HTR2A: variants seen among roughly 807,000 people sequenced by gnomAD.
The protein encoded by HTR2A is 5-hydroxytryptamine receptor 2A.
A neutral mutation model predicts 31.0 loss-of-function variants in HTR2A; 14 were observed. The ratio of observed to expected loss-of-function variants is 0.45; its 90% confidence interval spans 0.30 to 0.71. The LOEUF (loss-of-function observed/expected upper bound fraction) is 0.71. Ranked by LOEUF, HTR2A falls within the 30% of genes least tolerant of loss-of-function variation. The pLI, the probability that HTR2A is intolerant of heterozygous loss-of-function variation, is 0.09. For synonymous variants in HTR2A, 209 were observed against 225.2 expected, an observed-to-expected ratio of 0.93 and a Z score of 0.64; for missense variants, 442 against 573.3, an observed-to-expected ratio of 0.77 and a Z score of 2.34.
chr13:46,891,961 G>A (rs1951056590), intron 3 of HTR2A, among the ~76,000 whole-genome samples: 1 of 152,180 alleles, frequency 6.6e-6, no homozygotes, highest in African/African-American at 2.4e-5. Flanking sequence ...TTCCCTCCAA[G>A]CTACAGCACA....
Position 46,892,643 on chromosome 13 carries a change from A to G in HTR2A, c.413-53T>C, listed in dbSNP as rs997364046. The G allele has an allele frequency of 6.8e-6, 10 of 1,477,836 alleles. No individual in the cohort carries two copies. In the African/African-American group the frequency reaches 6.9e-5, roughly 10 times the overall value. The allele number at this position is 1,477,836 out of a possible 1,614,324, so 91.5% of individuals were successfully genotyped here. A position where few individuals can be genotyped will look rare whatever the true frequency, so the allele number is the denominator to read the frequency against. ...AGCAACCCTGTGCCTCCTGGAGCAC[A>G]TGTATCCCTATCCTATGACAATTTC... On this transcript the variant is annotated intron_variant, in intron 2 of 3. Transcript: ENST00000542664.
intron 3 of HTR2A, among the ~76,000 whole-genome samples, chr13:46,840,317 C>A (rs1403050538): frequency 7.2e-5 from 11 of 152,054 alleles, no homozygotes; most frequent in African/African-American, 2.4e-4. Context: ...TCCTTCTAAT[C>A]TATGTATGGT....
At chr13:46,854,387 C>T (rs1357861242) in intron 3 of HTR2A, 1 of 152,190 alleles carries the variant, frequency 6.6e-6, no homozygotes, top group African/African-American at 2.4e-5. Flanking sequence ...CCTCAGCTAC[C>T]ACACCTTAGT....
Position 46,896,879 on chromosome 13 carries a change from C to T in HTR2A, c.-534G>A, listed in dbSNP as rs1468330731. ...CGCACTGCTAGGATCCTGTTGGCTT[C>T]CTCTGGCACGGCTCGGCTGGGTTCC... On this transcript the variant is annotated 5_prime_UTR_variant, in exon 1 of 4. Coordinates refer to ENST00000542664, the MANE Select transcript of HTR2A (RefSeq NM_000621.5). 1 of 1,517,476 alleles carries T rather than the reference C, an allele frequency of 6.6e-7. No homozygotes were observed. Among genetic ancestry groups the T allele is most frequent in the East Asian group, 2.5e-5 (1 of 40,644 alleles). The allele number at this position is 1,517,476 out of a possible 1,614,324, so 94.0% of individuals were successfully genotyped here.
At chr13:46,854,501 A>G (rs1317793965) in intron 3 of HTR2A, among the ~76,000 whole-genome samples, 2 of 152,196 alleles carry the variant, frequency 1.3e-5, no homozygotes, top group Non-Finnish European at 2.9e-5. Flanking sequence ...AATTTGGTTC[A>G]TTTCAGACTT....
At chr13:46,860,114 T>A (rs143489437) in intron 3 of HTR2A, among the ~76,000 whole-genome samples, 2 of 152,168 alleles carry the variant, frequency 1.3e-5, no homozygotes, top group Non-Finnish European at 2.9e-5. Context: ...AGAATTCTCC[T>A]CAACCCACAA....
At chr13:46,891,943 C>T (rs1951056353) in intron 3 of HTR2A, among the ~76,000 whole-genome samples, 1 of 152,190 alleles carries the variant, frequency 6.6e-6, no homozygotes, top group African/African-American at 2.4e-5. Flanking sequence ...TTTCCTCTGG[C>T]CCACCTTTTC....
intron 3 of HTR2A, among the ~76,000 whole-genome samples, chr13:46,850,362 C>T (rs1300467653): frequency 6.6e-6 from 1 of 152,156 alleles, no homozygotes; most frequent in Non-Finnish European, 1.5e-5. Flanking sequence ...TCACAGTCAC[C>T]CTATGAGTTT....
chr13:46,881,250 G>T (rs1295057245), intron 3 of HTR2A, among the ~76,000 whole-genome samples: 4 of 152,198 alleles, frequency 2.6e-5, no homozygotes, highest in Admixed American at 2.6e-4. Context: ...CAAGAGAAGG[G>T]GTGGGCCAAG....
At chr13:46,840,230 T>C (rs948226788) in intron 3 of HTR2A, among the ~76,000 whole-genome samples, 2 of 152,164 alleles carry the variant, frequency 1.3e-5, no homozygotes, top group African/African-American at 4.8e-5. Context: ...ATAATCCTCA[T>C]ATTACAGGGA....
Position 46,842,325 on chromosome 13 carries a change from T to C in HTR2A, c.614-6686A>G, listed in dbSNP as rs151239588. Among the ~76,000 whole-genome samples the C allele has an allele frequency of 6.2e-4, 95 of 152,258 alleles. No individual in the cohort carries two copies. In the East Asian group the frequency reaches 0.016, roughly 26 times the overall value. On this transcript the variant is annotated intron_variant, in intron 3 of 3. Transcript: ENST00000542664. ...ACATTATTGGGCCCCATCTTGAAAG[T>C]ATTGTATCCTTTCTCCCATTTCTAT...
In HTR2A at chr13:46,896,589, T is replaced by G. The variant is rs1951106819; in HGVS notation, c.-329+85A>C. The G allele has an allele frequency of 1.7e-5, 18 of 1,039,146 alleles. No homozygotes were observed. The South Asian group carries it at 3.2e-4, about 18-fold the overall frequency. 64.4% of individuals were successfully genotyped at this position (1,039,146 alleles called of 1,614,324 possible). ...AACTTTCCTCCCTGGAAATTCTCAT[T>G]GAAATGATTACATGTTGGCCAAGCA... On this transcript the variant is annotated intron_variant, in intron 1 of 3. Coordinates refer to ENST00000542664, the MANE Select transcript of HTR2A (RefSeq NM_000621.5).
At chr13:46,865,814 G>A (rs976275934) in intron 3 of HTR2A, among the ~76,000 whole-genome samples, 2 of 152,204 alleles carry the variant, frequency 1.3e-5, no homozygotes, top group African/African-American at 4.8e-5. Context: ...AATATTACAA[G>A]GCTTGCGCTA....
At chr13:46,856,876 G>T (rs1257583742) in intron 3 of HTR2A, among the ~76,000 whole-genome samples, 1 of 152,194 alleles carries the variant, frequency 6.6e-6, no homozygotes, top group African/African-American at 2.4e-5. Context: ...GTGCAGCTCA[G>T]TTGAGTAGGA....
chr13:46,892,634 C>T (rs769393203), intron 2 of HTR2A, 44 bp from the exon 3 acceptor site: 13 of 1,537,722 alleles, frequency 8.5e-6, no homozygotes, highest in Non-Finnish European at 1.1e-5. Context: ...CCTGTGCCTC[C>T]TGGAGCACAT....
intron 3 of HTR2A, among the ~76,000 whole-genome samples, chr13:46,838,574 A>G (rs2138340516): frequency 6.6e-6 from 1 of 152,276 alleles, no homozygotes; most frequent in Non-Finnish European, 1.5e-5. Context: ...TTTTAAACCA[A>G]AAGAGACTAA....
chr13:46,852,457 A>AC (rs1950694103), intron 3 of HTR2A, among the ~76,000 whole-genome samples: 1 of 152,250 alleles, frequency 6.6e-6, no homozygotes, highest in Non-Finnish European at 1.5e-5. Flanking sequence ...CACTGCGGTA[A>AC]CAGCCTTGCC....
rs1024978235 is a variant in HTR2A, at chr13:46,896,914, G to A, written c.-569C>T. ...GGCTCGGCTGGGTTCCTCCCTCCCTGTGCGGCTCGCCTCAGCAGGCACACA... is the reference window on the plus strand; with the variant it reads ...GGCTCGGCTGGGTTCCTCCCTCCCTATGCGGCTCGCCTCAGCAGGCACACA... On this transcript the variant is annotated 5_prime_UTR_variant, in exon 1 of 4. Coordinates refer to ENST00000542664, the MANE Select transcript of HTR2A (RefSeq NM_000621.5). The A allele has an allele frequency of 8.2e-7, 1 of 1,215,998 alleles. No individual in the cohort carries two copies. Among genetic ancestry groups the A allele is most frequent in the African/African-American group, 1.5e-5 (1 of 65,416 alleles). The allele number at this position is 1,215,998 out of a possible 1,614,324, so 75.3% of individuals were successfully genotyped here.
At chr13:46,844,509 C>T (rs149738456) in intron 3 of HTR2A, among the ~76,000 whole-genome samples, 11 of 152,304 alleles carry the variant, frequency 7.2e-5, no homozygotes, top group African/African-American at 2.6e-4. Context: ...TTAACCAGCA[C>T]ATGAGCTGAC....
Sources: gnomAD v4.1 joint callset for allele counts (sites outside exome capture counted in the v4.1 genomes callset) on GRCh38, gnomAD v4.1.1 for gene constraint, MANE v1.5 for transcripts, NCBI Gene and HGNC (gene_info 2026-07-23, HGNC 2026-07-21) for gene names.